Variants in GRIN2A observed in about 807,000 individuals in gnomAD.
The protein encoded by GRIN2A is glutamate ionotropic receptor NMDA type subunit 2A.
A neutral mutation model predicts 113.4 loss-of-function variants in GRIN2A; 22 were observed. The observed-to-expected ratio is 0.19, with a 90% CI of 0.14 to 0.28. The LOEUF is 0.28. GRIN2A is among the 10% of genes least tolerant of loss of function. GRIN2A has a pLI of 1.00. For synonymous variants in GRIN2A, 827 were observed against 738.4 expected (o/e 1.12, Z -1.94); for missense variants, 1,502 against 1,887.0 (o/e 0.80, Z 3.78).
chr16:9,876,767 A>C (rs368252035), intron 4 of GRIN2A, among the ~76,000 whole-genome samples: 2 of 152,150 alleles, frequency 1.3e-5, no homozygotes, highest in East Asian at 3.8e-4. Context: ...TGGCTGGATG[A>C]ATTACGGTTG....
At chr16:10,097,710 C>T (rs182378240) in intron 2 of GRIN2A, among the ~76,000 whole-genome samples, 11 of 152,196 alleles carry the variant, frequency 7.2e-5, no homozygotes, top group African/African-American at 2.2e-4. Context: ...GACCCTCCTG[C>T]ACTTTCTTTC....
chr16:9,927,135 A>G (rs990833546), intron 3 of GRIN2A, among the ~76,000 whole-genome samples: 2 of 152,176 alleles, frequency 1.3e-5, no homozygotes, highest in Admixed American at 1.3e-4. Context: ...CTGGTACTCT[A>G]GCATTCATTT....
At chr16:9,784,514 C>G (rs903036140) in intron 11 of GRIN2A, among the ~76,000 whole-genome samples, 4 of 151,124 alleles carry the variant, frequency 2.6e-5, no homozygotes, top group African/African-American at 9.7e-5. Flanking sequence ...CAATACCACT[C>G]AGGACATAGG....
intron 4 of GRIN2A, among the ~76,000 whole-genome samples, chr16:9,879,714 T>A (rs944932096): frequency 2.0e-5 from 3 of 152,224 alleles, no homozygotes; most frequent in Non-Finnish European, 4.4e-5. Flanking sequence ...TCTGAGCAAG[T>A]TATTGAATTT....
intron 3 of GRIN2A, among the ~76,000 whole-genome samples, chr16:9,918,477 TA>T (rs1435844482): frequency 6.6e-6 from 1 of 152,212 alleles, no homozygotes; most frequent in African/African-American, 2.4e-5. Flanking sequence ...GTCTCTCTCT[TA>T]AAATACTGTA....
intron 2 of GRIN2A, among the ~76,000 whole-genome samples, chr16:10,126,457 G>A (rs1335458656): frequency 6.6e-6 from 1 of 152,160 alleles, no homozygotes; most frequent in Non-Finnish European, 1.5e-5. Flanking sequence ...AAGAGCCAGT[G>A]CCCAGCCAGT....
intron 2 of GRIN2A, among the ~76,000 whole-genome samples, chr16:10,076,451 G>C (rs13331085): frequency 6.3e-4 from 96 of 152,146 alleles, no homozygotes; most frequent in African/African-American, 2.2e-3. Context: ...GCAGGGTTAG[G>C]GTCTGCCATG....
intron 2 of GRIN2A, among the ~76,000 whole-genome samples, chr16:10,147,455 CAAAAAAAAAAA>C (rs367830700): frequency 9.6e-5 from 7 of 72,944 alleles, no homozygotes; most frequent in African/African-American, 3.2e-4. Flanking sequence ...ACTAAAAATA[CAAAAAAAAAAA>C]AAAAAAAAAA....
At chr16:9,798,008 T>C (rs1025989765) in intron 11 of GRIN2A, among the ~76,000 whole-genome samples, 4 of 152,218 alleles carry the variant, frequency 2.6e-5, no homozygotes, top group Non-Finnish European at 5.9e-5. Flanking sequence ...TCCTGGCTCT[T>C]GTCTTTTTCT....
chr16:9,828,057 AC>A (rs370642215), intron 9 of GRIN2A, among the ~76,000 whole-genome samples: 8 of 152,316 alleles, frequency 5.3e-5, no homozygotes, highest in African/African-American at 1.9e-4. Flanking sequence ...GCCAGGAAAG[AC>A]TTCCCTGAGG....
chr16:10,127,227 GA>G (rs34065010), intron 2 of GRIN2A, among the ~76,000 whole-genome samples: 12,096 of 145,742 alleles, frequency 0.083, 538 homozygotes, highest in Admixed American at 0.12. Context: ...ATTCAGTCTT[GA>G]AAAAAAAAAA....
intron 2 of GRIN2A, among the ~76,000 whole-genome samples, chr16:9,981,005 AAAAT>A (rs1216369712): frequency 4.0e-5 from 6 of 150,736 alleles, no homozygotes; most frequent in Admixed American, 6.6e-5. Context: ...AAATAAAAAT[AAAAT>A]AAATAAATAA....
At chr16:9,860,718 T>C (rs563214248) in intron 4 of GRIN2A, among the ~76,000 whole-genome samples, 34 of 152,204 alleles carry the variant, frequency 2.2e-4, no homozygotes, top group African/African-American at 7.5e-4. Flanking sequence ...CAGGCCATGA[T>C]GGTCAGGCTG....
chr16:10,152,501 C>T (rs921545023), intron 2 of GRIN2A, among the ~76,000 whole-genome samples: 3 of 152,190 alleles, frequency 2.0e-5, no homozygotes, highest in Admixed American at 2.0e-4. Context: ...TCCACTGAGT[C>T]CAGTCCGTTT....
chr16:9,918,473 C>G (rs567525851), intron 3 of GRIN2A, among the ~76,000 whole-genome samples: 9 of 152,266 alleles, frequency 5.9e-5, no homozygotes, highest in Admixed American at 2.0e-4. Context: ...TGTGGTCTCT[C>G]TCTTAAAATA....
At chr16:9,956,348 T>A (rs2045310586) in intron 2 of GRIN2A, among the ~76,000 whole-genome samples, 1 of 152,210 alleles carries the variant, frequency 6.6e-6, no homozygotes, top group Non-Finnish European at 1.5e-5. Flanking sequence ...TCAGGGGATC[T>A]ATGCAAGTCC....
In GRIN2A at chr16:10,036,449, CTTTTTTTTTTT is replaced by C. The variant is rs369821921; in HGVS notation, c.415-97909_415-97899del. On this transcript the variant is annotated intron_variant, in intron 2 of 12. Coordinates refer to ENST00000330684, the MANE Select transcript of GRIN2A (RefSeq NM_001134407.3). Reference sequence around the variant, plus strand: ...ATATTAGTACTTACTTTTTTTTTTTCTTTTTTTTTTTTTTTTTTTTTTTTTTTGAGATGGAT... The same window carrying C: ...ATATTAGTACTTACTTTTTTTTTTTCTTTTTTTTTTTTTTTTGAGATGGAT... Among the ~76,000 whole-genome samples the C allele has an allele frequency of 3.9e-4, 18 of 46,010 alleles. No individual in the cohort carries two copies. The South Asian group carries it at 4.6e-3, about 12-fold the overall frequency. 30.2% of individuals were successfully genotyped at this position (46,010 alleles called of 152,430 possible).
chr16:9,928,058 G>C (rs1433723158), intron 3 of GRIN2A, among the ~76,000 whole-genome samples: 3 of 152,178 alleles, frequency 2.0e-5, no homozygotes, highest in Non-Finnish European at 4.4e-5. Flanking sequence ...AATGTGGCTG[G>C]CCTCCCATGC....
At chr16:10,133,867 C>A (rs190237849) in intron 2 of GRIN2A, among the ~76,000 whole-genome samples, 1 of 152,132 alleles carries the variant, frequency 6.6e-6, no homozygotes, top group African/African-American at 2.4e-5. Flanking sequence ...AAACAAGTTA[C>A]CACATCCAAA....
Sources: allele counts gnomAD v4.1 joint callset (sites outside exome capture counted in the v4.1 genomes callset), GRCh38; gene constraint gnomAD v4.1.1; transcripts MANE v1.5; gene names NCBI Gene and HGNC (gene_info 2026-07-23, HGNC 2026-07-21).